The following CFAP99 variants were observed in gnomAD, a reference collection of about 807,000 sequenced individuals.
CFAP99 encodes the protein cilia and flagella associated protein 99, also known as cilia- and flagella-associated protein 99.
In CFAP99, 84 loss-of-function variants were observed where a neutral mutation model predicts 82.7. The ratio of observed to expected loss-of-function variants is 1.02; its 90% confidence interval spans 0.85 to 1.22. The LOEUF is 1.22. CFAP99 is among the 50% of genes most tolerant of loss of function. CFAP99 has a pLI of 0.00. For synonymous variants in CFAP99, 456 were observed against 429.5 expected (o/e 1.06, Z -0.76); for missense variants, 1,059 against 983.5 (o/e 1.08, Z -1.03).
chr4:2,446,455 C>T lies in CFAP99; in HGVS notation c.642+1147C>T, dbSNP rs186191501. 6.2e-4 allele frequency among the ~76,000 whole-genome samples: 95 copies of T among 152,012 alleles called. No homozygotes were observed. The highest frequency in any genetic ancestry group is 1.1e-3 in the Non-Finnish European group (75 of 67,986). On this transcript the variant is annotated intron_variant, in intron 6 of 14. Coordinates refer to ENST00000635017, the Ensembl canonical transcript of CFAP99. The surrounding 1 kb of genome is among the most constrained non-coding windows in gnomAD (Gnocchi z 5.0). ...TCACCCAGGCTGGAGTGCAGTGGCA[C>T]GATCTTGGCTCACTGCAACCTCTGC...
At chr4:2,439,964 C>T (rs1560382191) in intron 4 of CFAP99, among the ~76,000 whole-genome samples, 2 of 151,802 alleles carry the variant, frequency 1.3e-5, no homozygotes, top group Admixed American at 1.3e-4. Context: ...CTGCCTCAGC[C>T]TCCCAAGTAG....
rs1733691239 is a variant in CFAP99 at position 2,426,637 on chromosome 4, G to C, written c.111+51G>C. The stretch of plus-strand genomic sequence containing the variant: ...AGGCCACGCCAATGGCACCTGTTGT[G>C]CAGCTGTTCTGGTTAACAGCATCAA... On this transcript the variant is annotated intron_variant, in intron 2 of 14. Transcript: ENST00000635017. The C allele has an allele frequency of 2.5e-6, 3 of 1,190,834 alleles. No homozygotes were observed. The African/African-American group carries it at 4.6e-5, about 18-fold the overall frequency. 73.8% of individuals were successfully genotyped at this position (1,190,834 alleles called of 1,614,324 possible).
chr4:2,433,430 G>T (rs971957189), intron 2 of CFAP99, among the ~76,000 whole-genome samples: 11 of 151,458 alleles, frequency 7.3e-5, no homozygotes, highest in East Asian at 3.9e-4. Flanking sequence ...CACGGGGCGG[G>T]GGGGGGACCA....
exon 12 of CFAP99, chr4:2,458,738 C>T: frequency 6.5e-7 from 1 of 1,534,552 alleles, no homozygotes; most frequent in Non-Finnish European, 8.7e-7. Context: ...CAAGCTGATG[C>T]TGCAGCGTGC....
chr4:2,459,326 G>C (rs370931522), intron 13 of CFAP99, 68 bp downstream of exon 13: 1 of 1,451,934 alleles, frequency 6.9e-7, no homozygotes, highest in African/African-American at 1.4e-5. Flanking sequence ...ATGAGAGGCA[G>C]TTTCCAGGGT....
intron 4 of CFAP99, among the ~76,000 whole-genome samples, chr4:2,438,788 C>A (rs919866450): frequency 2.0e-5 from 3 of 152,090 alleles, no homozygotes; most frequent in Non-Finnish European, 4.4e-5. Flanking sequence ...AAAGAAACAA[C>A]AACAACAACA....
intron 11 of CFAP99, among the ~76,000 whole-genome samples, chr4:2,454,594 G>GTTTTTTTTTTTTTTTTTTTTTTTT (rs1204498727): frequency 9.5e-4 from 80 of 84,524 alleles, no homozygotes; most frequent in East Asian, 2.1e-3. Context: ...TTTTTTTTTT[G>GTTTTTTTTTTTTTTTTTTTTTTTT]TTTTTTTTTT....
At chr4:2,454,678 G>A (rs1306507405) in intron 11 of CFAP99, among the ~76,000 whole-genome samples, 2 of 147,396 alleles carry the variant, frequency 1.4e-5, no homozygotes, top group Non-Finnish European at 3.0e-5. Context: ...CTGGAGTGCA[G>A]TGGGTTGATC....
chr4:2,434,070 C>T (rs948797513), intron 2 of CFAP99, among the ~76,000 whole-genome samples: 4 of 152,150 alleles, frequency 2.6e-5, no homozygotes, highest in Admixed American at 6.5e-5. Flanking sequence ...GAAGACAGAC[C>T]GAGAGACACG....
At chr4:2,461,501 C>T (rs1226111352) in intron 14 of CFAP99, among the ~76,000 whole-genome samples, 5 of 152,170 alleles carry the variant, frequency 3.3e-5, no homozygotes, top group Non-Finnish European at 7.3e-5. Flanking sequence ...CTGTACAGGG[C>T]GGGCTGGCTG....
chr4:2,455,604 G>A (rs532629665), intron 11 of CFAP99, among the ~76,000 whole-genome samples: 16 of 152,300 alleles, frequency 1.1e-4, no homozygotes, highest in Admixed American at 3.3e-4. Flanking sequence ...CATGAGAATC[G>A]CTTGAACCCA....
In CFAP99 at chr4:2,446,584, G is replaced by A. The variant is rs2108727784; in HGVS notation, c.642+1276G>A. On this transcript the variant is annotated intron_variant, in intron 6 of 14. Coordinates refer to ENST00000635017, the Ensembl canonical transcript of CFAP99. The surrounding 1 kb of genome is among the most constrained non-coding windows in gnomAD (Gnocchi z 5.0). ...ATTTTTATATTTTTAGTAGAGGTAGGGTTTTGTCATGTTGGCCGGGCTGGT... is the reference window on the plus strand; with the variant it reads ...ATTTTTATATTTTTAGTAGAGGTAGAGTTTTGTCATGTTGGCCGGGCTGGT... Among the ~76,000 whole-genome samples, 1 of 152,178 alleles carries A rather than the reference G, an allele frequency of 6.6e-6. No individual in the cohort carries two copies. The highest frequency in any genetic ancestry group is 1.9e-4 in the East Asian group (1 of 5,182).
chr4:2,430,535 T>A (rs1578465753), intron 2 of CFAP99, among the ~76,000 whole-genome samples: 1 of 149,806 alleles, frequency 6.7e-6, no homozygotes, highest in Non-Finnish European at 1.5e-5. Context: ...GACAGCGGAC[T>A]GCGGTGAAAT....
chr4:2,460,154 G>C lies in CFAP99; in HGVS notation c.1573G>C (p.Gly525Arg), dbSNP rs1560391646. ...AGAAAAGCGGGATCAAATCATTCAG[G>C]GCAAGCACACCAAGAGCCAGGAACT... Residue 525 changes from glycine to arginine, a missense_variant, in exon 14 of 15, where the codon GGC becomes CGC. Coordinates refer to ENST00000635017, the Ensembl canonical transcript of CFAP99. 2.6e-6 allele frequency: 4 copies of C among 1,536,128 alleles called. No homozygotes were observed. Among genetic ancestry groups the C allele is most frequent in the East Asian group, 2.4e-5 (1 of 40,914 alleles).
At chr4:2,436,094 A>C (rs915508588) in intron 2 of CFAP99, among the ~76,000 whole-genome samples, 1 of 145,642 alleles carries the variant, frequency 6.9e-6, no homozygotes, top group Admixed American at 6.8e-5. Context: ...AAAAAAAAAA[A>C]ATCTATATAT....
chr4:2,441,257 C>G (rs1245023381), intron 4 of CFAP99, among the ~76,000 whole-genome samples: 2 of 151,280 alleles, frequency 1.3e-5, no homozygotes, highest in East Asian at 3.9e-4. Context: ...CCTATAATCC[C>G]AGCTACTCAG....
At position 2,451,353 on chromosome 4, in the gene CFAP99, G is replaced by A. The variant is rs775560990; in HGVS notation, c.956+1G>A. 2 of 1,535,182 alleles carry A rather than the reference G, an allele frequency of 1.3e-6. No homozygotes were observed. The highest frequency in any genetic ancestry group is 2.4e-5 in the East Asian group (1 of 40,922). ...GGCAGGTGGAGCAGGAGCTGCAGAG[G>A]TGAAGGGCGGCAGGCCCCCCCACCT... On this transcript the variant is annotated splice_donor_variant, in intron 10 of 14. Transcript: ENST00000635017. LOFTEE classifies it high-confidence loss of function.
chr4:2,419,916 A>G (rs2108703977), intron 1 of CFAP99, among the ~76,000 whole-genome samples: 1 of 152,172 alleles, frequency 6.6e-6, no homozygotes, highest in East Asian at 1.9e-4. Flanking sequence ...AACTACTCCC[A>G]TCAGATTTTC....
intron 2 of CFAP99, among the ~76,000 whole-genome samples, chr4:2,436,632 G>GCA (rs1228158116): frequency 2.2e-5 from 3 of 137,030 alleles, no homozygotes; most frequent in African/African-American, 7.4e-5. Context: ...GTCATTCCTT[G>GCA]CACTGCCTCA....
Sources: allele counts gnomAD v4.1 joint callset (sites outside exome capture counted in the v4.1 genomes callset), GRCh38; gene constraint gnomAD v4.1.1; non-coding constraint Gnocchi (gnomAD v3.1); transcripts MANE v1.5; gene names NCBI Gene and HGNC (gene_info 2026-07-23, HGNC 2026-07-21).